The following CFAP43 variants were observed in gnomAD, a reference collection of about 807,000 sequenced individuals.
CFAP43 encodes cilia- and flagella-associated protein 43.
CFAP43 carries 155 observed loss-of-function variants against 218.9 expected under a neutral mutation model. The ratio of observed to expected loss-of-function variants is 0.71; its 90% CI spans 0.62 to 0.81. CFAP43 has a LOEUF of 0.81. Among genes scored for constraint, CFAP43 ranks in the 30% least tolerant of loss-of-function variants. The pLI is 0.00. For missense variants in CFAP43, 1,778 were observed against 1,954.3 expected (o/e 0.91, Z 1.70); for synonymous variants, 645 against 681.3 (o/e 0.95, Z 0.83).
intron 34 of CFAP43, among the ~76,000 whole-genome samples, chr10:104,137,505 G>C (rs2087506010): frequency 6.6e-6 from 1 of 152,026 alleles, no homozygotes; most frequent in African/African-American, 2.4e-5. Context: ...TTTCCTTTTA[G>C]GATGATAAAA....
At chr10:104,174,519 T>C (rs1321472265) in intron 19 of CFAP43, among the ~76,000 whole-genome samples, 2 of 152,174 alleles carry the variant, frequency 1.3e-5, no homozygotes, top group Admixed American at 6.5e-5. Context: ...ATGGGAATTA[T>C]GGGAGCTACA....
intron 3 of CFAP43, among the ~76,000 whole-genome samples, chr10:104,220,659 C>G (rs754258870): frequency 6.6e-5 from 10 of 152,154 alleles, no homozygotes; most frequent in Non-Finnish European, 1.5e-4. Context: ...TTCCAGCAAG[C>G]CTCCTCGAAC....
chr10:104,168,322 C>T (rs1161437402), intron 21 of CFAP43, among the ~76,000 whole-genome samples: 1 of 152,124 alleles, frequency 6.6e-6, no homozygotes, highest in African/African-American at 2.4e-5. Context: ...CTTTTGGTCA[C>T]CCTACACAAA....
At position 104,132,167 on chromosome 10, in the gene CFAP43, C is replaced by CAT; in HGVS notation, c.4625_4626insAT (p.Ile1543Ter). 1 of 1,604,070 alleles carries CAT rather than the reference C, an allele frequency of 6.2e-7. No individual in the cohort carries two copies. The highest frequency in any genetic ancestry group is 8.5e-7 in the Non-Finnish European group (1 of 1,176,024). On this transcript the variant is annotated frameshift_variant, in exon 36 of 38. Transcript: ENST00000357060. LOFTEE classifies it high-confidence loss of function. ...CCATTATTCCAATCTGAATACTAAT[C>CAT]AGAGCCTCATAGTTTGGTTCATTTA...
At chr10:104,202,169 G>C (rs182612938) in intron 8 of CFAP43, among the ~76,000 whole-genome samples, 90 of 152,272 alleles carry the variant, frequency 5.9e-4, no homozygotes, top group African/African-American at 2.1e-3. Flanking sequence ...TTGCCCCATG[G>C]AGCCACAATT....
rs770949877 is a variant in CFAP43 at position 104,145,570 on chromosome 10, G to A, written c.3856-6C>T. 3.8e-6 allele frequency: 6 copies of A among 1,582,238 alleles called. No homozygotes were observed. The African/African-American group carries it at 8.1e-5, about 21-fold the overall frequency. On this transcript the variant is annotated splice_region_variant and splice_polypyrimidine_tract_variant and intron_variant, in intron 30 of 37. Coordinates refer to ENST00000357060, the MANE Select transcript of CFAP43 (RefSeq NM_025145.7). ...TTAAAGCTGCGATCCATAACCTAAG[G>A]ACAAACATGACATTTGAGGACTGCA...
chr10:104,172,353 T>C (rs942255269), intron 20 of CFAP43, 57 bp downstream of exon 20: 2 of 1,571,438 alleles, frequency 1.3e-6, no homozygotes, highest in African/African-American at 2.8e-5. Flanking sequence ...CCATTCCTAT[T>C]ATCTTTTTAC....
chr10:104,131,208 T>A, intron 37 of CFAP43, 123 bp downstream of exon 37: 1 of 1,228,898 alleles, frequency 8.1e-7, no homozygotes, highest in Non-Finnish European at 1.1e-6. Flanking sequence ...AAAGTTGAAA[T>A]TATTTTAAAC....
chr10:104,209,253 A>G (rs1022320814), intron 5 of CFAP43, among the ~76,000 whole-genome samples: 3 of 152,242 alleles, frequency 2.0e-5, no homozygotes, highest in African/African-American at 4.8e-5. Flanking sequence ...TACAAAATGA[A>G]AAAGTAAACT....
chr10:104,147,982 C>T lies in CFAP43; in HGVS notation c.3677G>A (p.Ser1226Asn). ...CAACAATAAAGAAAATGCAAGGTTA[C>T]TTATTTTCAGTTCCTCCTGTAGAAA... is the stretch of plus-strand genomic sequence containing the variant. Reference protein sequence around the residue: ...MVTNQEELKISNLAFSLLLDE... With the variant: ...MVTNQEELKINNLAFSLLLDE... Residue 1226 changes from serine to asparagine, a missense_variant, in exon 29 of 38, where the codon AGT becomes AAT. By Grantham distance (46) the Ser-to-Asn change is conservative (BLOSUM62 1). Transcript: ENST00000357060. The T allele has an allele frequency of 1.3e-6, 2 of 1,584,518 alleles. No homozygotes were observed. Among genetic ancestry groups the T allele is most frequent in the Non-Finnish European group, 8.6e-7 (1 of 1,164,274 alleles).
At chr10:104,197,807 G>A (rs572422005) in intron 9 of CFAP43, 115 bp downstream of exon 9, 8 of 686,956 alleles carry the variant, frequency 1.2e-5, no homozygotes, top group East Asian at 8.2e-5. Context: ...CCTCCTGTTC[G>A]CATTGCTTTG....
rs1380796807 is a variant in CFAP43, at chr10:104,139,456, AAAAC to A, written c.4431+1382_4431+1385del. Among the ~76,000 whole-genome samples, 5 of 152,344 alleles carry A rather than the reference AAAAC, an allele frequency of 3.3e-5. No individual in the cohort carries two copies. In the East Asian group the frequency reaches 9.6e-4, roughly 29 times the overall value. ...AGACACATTGTGTTCAAACTGCTGA[AAAAC>A]AAATAAAAAATCTCAAAGCCAGACA... On this transcript the variant is annotated intron_variant, in intron 34 of 37. Transcript: ENST00000357060.
In CFAP43 at chr10:104,166,862, A is replaced by G. The variant is rs1392912907; in HGVS notation, c.2809-144T>C. On this transcript the variant is annotated intron_variant, in intron 22 of 37. Coordinates refer to ENST00000357060, the MANE Select transcript of CFAP43 (RefSeq NM_025145.7). The stretch of plus-strand genomic sequence containing the variant: ...CAACTGAATTCGAAGTGATGAATAG[A>G]TCCCAGAACTGCTGCAGAAGAGATT... The G allele has an allele frequency of 4.4e-6, 3 of 676,090 alleles. No homozygotes were observed. The African/African-American group carries it at 5.4e-5, about 12-fold the overall frequency. 41.9% of individuals were successfully genotyped at this position (676,090 alleles called of 1,614,324 possible).
At chr10:104,195,712 C>T (rs1026696003) in intron 10 of CFAP43, among the ~76,000 whole-genome samples, 3 of 152,042 alleles carry the variant, frequency 2.0e-5, no homozygotes, top group East Asian at 1.9e-4. Context: ...AAAGCATTAC[C>T]GTTGTTTCTT....
chr10:104,232,219 C>T lies in CFAP43; in HGVS notation c.28G>A (p.Gly10Ser). Residue 10 changes from glycine (G) to serine (S), a missense_variant, in exon 1 of 38, where the codon GGC becomes AGC. This residue lies in a region of CFAP43 where 1,553 missense variants were observed against 1,685.2 expected (regional missense o/e 0.92). Transcript: ENST00000357060. ...GACGCGCCGCCGGCGGAGTGGGGGC[C>T]TTCGTCGCGCTCCCGGCCTTGCGCC... is the stretch of plus-strand genomic sequence containing the variant. MAQGRERDE[G>S]PHSAGGASLS... 6.2e-7 allele frequency: 1 copy of T among 1,609,090 alleles called. No homozygotes were observed. Among genetic ancestry groups the T allele is most frequent in the Non-Finnish European group, 8.5e-7 (1 of 1,178,520 alleles).
intron 34 of CFAP43, among the ~76,000 whole-genome samples, chr10:104,139,765 G>T (rs560960490): frequency 3.9e-4 from 56 of 144,520 alleles, no homozygotes; most frequent in Non-Finnish European, 7.8e-4. Context: ...AATGATACAA[G>T]ATGGAAATTT....
At chr10:104,163,942 C>T in intron 24 of CFAP43, 152 bp downstream of exon 24, 4 of 714,176 alleles carry the variant, frequency 5.6e-6, no homozygotes, top group Non-Finnish European at 9.1e-6. Flanking sequence ...AAATTCTCAT[C>T]ATTGCTGAGG....
chr10:104,209,116 A>G (rs2090778959), intron 5 of CFAP43, among the ~76,000 whole-genome samples: 1 of 152,218 alleles, frequency 6.6e-6, no homozygotes, highest in African/African-American at 2.4e-5. Context: ...ATTGGTACCC[A>G]GGTCACAAGA....
At chr10:104,144,372 C>T (rs114981978) in intron 31 of CFAP43, among the ~76,000 whole-genome samples, 2,749 of 152,208 alleles carry the variant, frequency 0.018, 93 homozygotes, top group African/African-American at 0.063. Context: ...GGAAAACCGC[C>T]GGGCGAGATG....
Sources: gnomAD v4.1 joint callset for allele counts (sites outside exome capture counted in the v4.1 genomes callset) on GRCh38, gnomAD v4.1.1 for gene constraint, gnomAD v4.1.1 regional missense constraint, MANE v1.5 for transcripts, NCBI Gene and HGNC (gene_info 2026-07-23, HGNC 2026-07-21) for gene names.